The following DTWD2 variants were observed in gnomAD, a reference collection of about 807,000 sequenced individuals.
DTWD2 encodes the protein tRNA-uridine aminocarboxypropyltransferase 2.
In DTWD2, 39 loss-of-function variants were observed where a neutral mutation model predicts 31.8. That is an observed-to-expected ratio of 1.22 (90% confidence interval 0.95 to 1.60). DTWD2 has a LOEUF of 1.60. Ranked by LOEUF, DTWD2 falls within the 40% of genes most tolerant of loss-of-function variation. DTWD2 has a pLI of 0.00. For missense variants in DTWD2, 515 were observed against 381.5 expected, an observed-to-expected ratio of 1.35 and a Z score of -2.92; for synonymous variants, 180 against 142.8, an observed-to-expected ratio of 1.26 and a Z score of -1.86.
intron 1 of DTWD2, among the ~76,000 whole-genome samples, chr5:118,955,834 A>G (rs919591655): frequency 2.6e-5 from 4 of 152,084 alleles, no homozygotes; most frequent in African/African-American, 9.7e-5. Context: ...CCTATGAACT[A>G]TTATACTTGA....
intron 4 of DTWD2, among the ~76,000 whole-genome samples, chr5:118,893,907 A>T (rs1233906759): frequency 6.6e-6 from 1 of 152,146 alleles, no homozygotes; most frequent in Non-Finnish European, 1.5e-5. Context: ...ACAAGGGAAC[A>T]GTTTCTATCT....
At chr5:118,868,818 G>C (rs904355646) in intron 4 of DTWD2, among the ~76,000 whole-genome samples, 3 of 136,234 alleles carry the variant, frequency 2.2e-5, no homozygotes, top group Non-Finnish European at 4.6e-5. Context: ...GCCTGAATGA[G>C]AGATCAAGAC....
intron 2 of DTWD2, among the ~76,000 whole-genome samples, chr5:118,942,123 G>T (rs949419615): frequency 3.3e-5 from 5 of 152,110 alleles, no homozygotes; most frequent in African/African-American, 1.2e-4. Context: ...CTCTCATTCT[G>T]TAGGCTAGCA....
At chr5:118,937,644 C>T (rs1754074825) in intron 3 of DTWD2, among the ~76,000 whole-genome samples, 1 of 152,152 alleles carries the variant, frequency 6.6e-6, no homozygotes, top group Admixed American at 6.6e-5. Flanking sequence ...TGAATAAGCT[C>T]CCCCTTCACA....
rs143858628 is a variant in DTWD2, at chr5:118,904,684, C to G, written c.597+23853G>C. 3.9e-5 allele frequency among the ~76,000 whole-genome samples: 6 copies of G among 152,062 alleles called. No individual in the cohort carries two copies. In the East Asian group the frequency reaches 7.7e-4, roughly 20 times the overall value. On this transcript the variant is annotated intron_variant, in intron 4 of 5. Coordinates refer to ENST00000510708, the MANE Select transcript of DTWD2 (RefSeq NM_173666.4). ...TAAAATAAGAAATTGATAGAAGAAA[C>G]AGACATACAGAGAAAAAGAGGGAGA... is the stretch of plus-strand genomic sequence containing the variant.
At chr5:118,934,061 C>A in intron 3 of DTWD2, among the ~76,000 whole-genome samples, 1 of 150,092 alleles carries the variant, frequency 6.7e-6, no homozygotes, top group Non-Finnish European at 1.5e-5. Flanking sequence ...TAAAATAGCC[C>A]TGCAAAAATG....
At chr5:118,944,738 T>C (rs1191324006) in intron 1 of DTWD2, 89 bp from the exon 2 acceptor site, 12 of 1,207,648 alleles carry the variant, frequency 9.9e-6, no homozygotes, top group Admixed American at 7.2e-5. Context: ...CCACTGCATT[T>C]ATACAAAGAG....
At chr5:118,904,036 G>C (rs1334552265) in intron 4 of DTWD2, among the ~76,000 whole-genome samples, 1 of 151,946 alleles carries the variant, frequency 6.6e-6, no homozygotes, top group Non-Finnish European at 1.5e-5. Flanking sequence ...ACTAAATTTA[G>C]GGTTACACCA....
At chr5:118,850,155 C>T (rs958266543) in intron 4 of DTWD2, among the ~76,000 whole-genome samples, 10 of 151,608 alleles carry the variant, frequency 6.6e-5, no homozygotes, top group East Asian at 1.9e-4. Context: ...CTCTACATAT[C>T]ACCATACACA....
intron 4 of DTWD2, among the ~76,000 whole-genome samples, chr5:118,865,351 T>C (rs1440274283): frequency 6.6e-6 from 1 of 152,160 alleles, no homozygotes; most frequent in Non-Finnish European, 1.5e-5. Flanking sequence ...AAACACTGCT[T>C]TGGACTCATG....
chr5:118,976,714 A>G (rs772068912), intron 1 of DTWD2, among the ~76,000 whole-genome samples: 1 of 152,198 alleles, frequency 6.6e-6, no homozygotes, highest in Non-Finnish European at 1.5e-5. Flanking sequence ...TACCAACCAA[A>G]AACAGCTCAG....
At chr5:118,902,742 CAT>C (rs1176603361) in intron 4 of DTWD2, among the ~76,000 whole-genome samples, 31 of 152,048 alleles carry the variant, frequency 2.0e-4, no homozygotes, top group African/African-American at 7.2e-4. Flanking sequence ...TACTGGAACT[CAT>C]ATAGCAATTT....
chr5:118,850,877 A>C (rs1751984924), intron 4 of DTWD2, among the ~76,000 whole-genome samples: 2 of 152,182 alleles, frequency 1.3e-5, no homozygotes, highest in Admixed American at 1.3e-4. Flanking sequence ...ACATTTTTCA[A>C]AAGAGGACAT....
chr5:118,886,748 T>C (rs1318930145), intron 4 of DTWD2, among the ~76,000 whole-genome samples: 1 of 152,232 alleles, frequency 6.6e-6, no homozygotes, highest in African/African-American at 2.4e-5. Flanking sequence ...TGAATGTTTC[T>C]ATGAAATATT....
rs1491272781 is a variant in DTWD2, at chr5:118,973,638, CGG to C, written c.218+14654_218+14655del. Among the ~76,000 whole-genome samples the C allele has an allele frequency of 3.4e-4, 51 of 149,332 alleles. No homozygotes were observed. The East Asian group carries it at 4.9e-3, about 14-fold the overall frequency. ...TTGCTCGCGGCAGCCTCCTTGCTCG[CGG>C]CAGCCTCCTTGCTCGCGGCAGCCTC... On this transcript the variant is annotated intron_variant, in intron 1 of 5. Transcript: ENST00000510708.
intron 1 of DTWD2, among the ~76,000 whole-genome samples, chr5:118,970,653 C>A (rs1754963927): frequency 1.3e-5 from 2 of 152,036 alleles, no homozygotes; most frequent in Non-Finnish European, 1.5e-5. Context: ...CAGAAAGATA[C>A]TCCACGAGAA....
At chr5:118,884,865 G>A (rs1752822108) in intron 4 of DTWD2, among the ~76,000 whole-genome samples, 1 of 151,606 alleles carries the variant, frequency 6.6e-6, no homozygotes, top group South Asian at 2.1e-4. Flanking sequence ...AATTAGCCGG[G>A]CGTGGTGGCA....
intron 1 of DTWD2, among the ~76,000 whole-genome samples, chr5:118,947,382 G>C (rs776169635): frequency 3.3e-5 from 5 of 152,198 alleles, no homozygotes; most frequent in Non-Finnish European, 7.3e-5. Flanking sequence ...GCTCTAAGCG[G>C]GAAGGAGAGC....
intron 1 of DTWD2, among the ~76,000 whole-genome samples, chr5:118,963,775 C>T (rs1215865645): frequency 6.6e-6 from 1 of 152,138 alleles, no homozygotes; most frequent in African/African-American, 2.4e-5. Flanking sequence ...TCCCTCCCAC[C>T]TCTGCACTCC....
Sources: gnomAD v4.1 joint callset for allele counts (sites outside exome capture counted in the v4.1 genomes callset) on GRCh38, gnomAD v4.1.1 for gene constraint, MANE v1.5 for transcripts, NCBI Gene and HGNC (gene_info 2026-07-23, HGNC 2026-07-21) for gene names.